The following TAF3 variants were observed in gnomAD, a reference collection of about 807,000 sequenced individuals.
TAF3 encodes the protein TATA-box binding protein associated factor 3, also known as transcription initiation factor TFIID subunit 3.
Under a neutral mutation model 80.6 loss-of-function variants are expected in TAF3, and 7 were observed. That is an observed-to-expected ratio of 0.09 (90% CI 0.05 to 0.16). The LOEUF (loss-of-function observed/expected upper bound fraction) is 0.16. Ranked by LOEUF, TAF3 falls within the 10% of genes least tolerant of loss-of-function variation. The pLI is 1.00. For synonymous variants in TAF3, 444 were observed against 446.1 expected (o/e 1.00, Z 0.06); for missense variants, 921 against 1,140.2 (o/e 0.81, Z 2.77).
chr10:7,920,225 G>A (rs1419357068), intron 2 of TAF3, among the ~76,000 whole-genome samples: 1 of 151,704 alleles, frequency 6.6e-6, no homozygotes, highest in Non-Finnish European at 1.5e-5. Flanking sequence ...CTGCACTCCG[G>A]CCTGCGCGAC....
chr10:7,943,699 C>T (rs1837997430), intron 2 of TAF3, among the ~76,000 whole-genome samples: 1 of 152,186 alleles, frequency 6.6e-6, no homozygotes, highest in African/African-American at 2.4e-5. Flanking sequence ...TTTTTCACTT[C>T]TGTACCAACC....
At chr10:7,893,812 A>G (rs577282904) in intron 2 of TAF3, among the ~76,000 whole-genome samples, 271 of 152,166 alleles carry the variant, frequency 1.8e-3, no homozygotes, top group Non-Finnish European at 3.2e-3. Context: ...TATCTTTATT[A>G]GGATCCTTCT....
intron 1 of TAF3, among the ~76,000 whole-genome samples, chr10:7,823,139 A>G (rs1019431026): frequency 6.6e-6 from 1 of 152,124 alleles, no homozygotes; most frequent in Admixed American, 6.5e-5. Flanking sequence ...CCAAACTTTT[A>G]TGATCTAAGC....
At chr10:7,903,364 C>G (rs541097995) in intron 2 of TAF3, among the ~76,000 whole-genome samples, 1 of 152,332 alleles carries the variant, frequency 6.6e-6, no homozygotes, top group East Asian at 1.9e-4. Flanking sequence ...TCTTACTCTT[C>G]TGGCACAAGA....
At chr10:7,966,501 C>T (rs1284158738) in intron 3 of TAF3, among the ~76,000 whole-genome samples, 1 of 152,176 alleles carries the variant, frequency 6.6e-6, no homozygotes. Context: ...CTCTGCTTAC[C>T]CAGCTTTGCT....
chr10:7,979,351 GA>G (rs1383420654), intron 4 of TAF3, among the ~76,000 whole-genome samples: 1 of 80,298 alleles, frequency 1.2e-5, no homozygotes, highest in African/African-American at 4.6e-5. Context: ...CTCAAAAAAT[GA>G]AAAAAAAATG....
At chr10:7,830,891 G>A (rs1836793114) in intron 2 of TAF3, among the ~76,000 whole-genome samples, 1 of 152,104 alleles carries the variant, frequency 6.6e-6, no homozygotes, top group African/African-American at 2.4e-5. Flanking sequence ...CCCACAGTTG[G>A]ATGTTGCGCA....
At chr10:7,839,957 A>G (rs558919040) in intron 2 of TAF3, among the ~76,000 whole-genome samples, 1 of 152,182 alleles carries the variant, frequency 6.6e-6, no homozygotes, top group African/African-American at 2.4e-5. Context: ...ATTTAAATGG[A>G]CTTTGCCAAA....
chr10:7,834,584 G>A (rs1357914681), intron 2 of TAF3, among the ~76,000 whole-genome samples: 3 of 151,760 alleles, frequency 2.0e-5, no homozygotes, highest in South Asian at 2.1e-4. Context: ...AGGTGGATAG[G>A]GTTCCTCCTG....
At chr10:7,897,974 T>C (rs1194755215) in intron 2 of TAF3, among the ~76,000 whole-genome samples, 2 of 152,178 alleles carry the variant, frequency 1.3e-5, no homozygotes, top group Non-Finnish European at 2.9e-5. Flanking sequence ...ATTTTCTCTT[T>C]TGGAATTCTT....
intron 2 of TAF3, among the ~76,000 whole-genome samples, chr10:7,891,419 GGTA>G (rs1837456310): frequency 6.6e-6 from 1 of 152,030 alleles, no homozygotes. Context: ...ATATGAAAAA[GGTA>G]GTTATTTTTA....
chr10:7,956,433 A>G (rs1314734891), intron 2 of TAF3, among the ~76,000 whole-genome samples: 13 of 152,120 alleles, frequency 8.5e-5, no homozygotes, highest in Admixed American at 7.9e-4. Context: ...GTTGCAGTGA[A>G]CCGGAATCAT....
Position 7,857,937 on chromosome 10 carries a change from T to G in TAF3, c.409+33377T>G, listed in dbSNP as rs540575956. Among the ~76,000 whole-genome samples, 7 of 146,064 alleles carry G rather than the reference T, an allele frequency of 4.8e-5. No individual in the cohort carries two copies. The Admixed American group carries it at 4.9e-4, about 10-fold the overall frequency. On this transcript the variant is annotated intron_variant, in intron 2 of 6. Coordinates refer to ENST00000344293, the MANE Select transcript of TAF3 (RefSeq NM_031923.4). ...TTTTTTTTTTTTTTTCTGCTAACCTTAGGGATTTCTCAGAAACTTTGCCAG... is the reference window on the plus strand; with the variant it reads ...TTTTTTTTTTTTTTTCTGCTAACCTGAGGGATTTCTCAGAAACTTTGCCAG...
In TAF3 at chr10:8,009,160, G is replaced by T; in HGVS notation, c.2398G>T (p.Ala800Ser). 6.4e-7 allele frequency: 1 copy of T among 1,558,102 alleles called. No individual in the cohort carries two copies. The change falls in exon 5 of 7, where the codon GCG becomes TCG. Residue 800 changes from alanine (A) to serine (S), a missense_variant. By Grantham distance (99) the Ala-to-Ser change is moderately conservative. Transcript: ENST00000344293. This position sits in a 1 kb window ranked among gnomAD's most constrained non-coding sequence, Gnocchi z 4.1. ...NRPKTPPPAP[A>S]PAPGPMLVSP... ...GCCGAAGACCCCACCGCCGGCCCCC[G>T]CGCCCGCCCCCGGCCCCATGCTCGT...
chr10:8,014,886 C>A lies in TAF3; in HGVS notation c.*135C>A. On this transcript the variant is annotated 3_prime_UTR_variant, in exon 7 of 7. Coordinates refer to ENST00000344293, the MANE Select transcript of TAF3 (RefSeq NM_031923.4). Reference sequence around the variant, plus strand: ...GATAAAGAACCCAGGAGGACTGAGGCTGGAACACACCGCGCACCTGGATTG... The same window carrying A: ...GATAAAGAACCCAGGAGGACTGAGGATGGAACACACCGCGCACCTGGATTG... 1 of 729,990 alleles carries A rather than the reference C, an allele frequency of 1.4e-6. No individual in the cohort carries two copies. The highest frequency in any genetic ancestry group is 2.2e-6 in the Non-Finnish European group (1 of 452,248). 45.2% of individuals were successfully genotyped at this position (729,990 alleles called of 1,614,324 possible). A position where few individuals can be genotyped will look rare whatever the true frequency, so the allele number is the denominator to read the frequency against.
chr10:7,986,407 G>T (rs1035779999), intron 4 of TAF3, among the ~76,000 whole-genome samples: 3 of 152,092 alleles, frequency 2.0e-5, no homozygotes, highest in African/African-American at 7.2e-5. Context: ...CGTATATGTT[G>T]GTGATGAGAC....
rs374075122 is a variant in TAF3 at position 7,893,100 on chromosome 10, G to A, written c.409+68540G>A. Among the ~76,000 whole-genome samples the A allele has an allele frequency of 6.6e-5, 10 of 152,024 alleles. No individual in the cohort carries two copies. The East Asian group carries it at 7.7e-4, about 12-fold the overall frequency. On this transcript the variant is annotated intron_variant, in intron 2 of 6. Transcript: ENST00000344293. ...TTCCCAAAGTGCTGGGATTATAGGC[G>A]TGAGCCACCGTGCCCAGCTTCAATA...
At chr10:7,883,734 A>G (rs1031134707) in intron 2 of TAF3, among the ~76,000 whole-genome samples, 1 of 152,136 alleles carries the variant, frequency 6.6e-6, no homozygotes, top group Non-Finnish European at 1.5e-5. Context: ...TTATTCATGT[A>G]TTGATATCCG....
intron 3 of TAF3, among the ~76,000 whole-genome samples, chr10:7,972,261 ATAAAGT>A (rs767200014): frequency 2.0e-5 from 3 of 152,262 alleles, no homozygotes; most frequent in Non-Finnish European, 4.4e-5. Context: ...GAGCACACAG[ATAAAGT>A]TAATGGAAAC....
Sources: allele counts gnomAD v4.1 joint callset (sites outside exome capture counted in the v4.1 genomes callset), GRCh38; gene constraint gnomAD v4.1.1; non-coding constraint Gnocchi (gnomAD v3.1); transcripts MANE v1.5; gene names NCBI Gene and HGNC (gene_info 2026-07-23, HGNC 2026-07-21).